The following NEGR1 variants were observed in gnomAD, a reference collection of about 807,000 sequenced individuals.
The protein encoded by NEGR1 is neuronal growth regulator 1.
NEGR1 carries 10 observed loss-of-function variants against 40.9 expected under a neutral mutation model. That is an observed-to-expected ratio of 0.24 (90% CI 0.15 to 0.42). The LOEUF is 0.42. NEGR1 is among the 10% of genes least tolerant of loss of function. The probability of loss-of-function intolerance (pLI) is 1.00; values close to 1 mark genes in which losing one functional copy is unlikely to be tolerated. For missense variants in NEGR1, 352 were observed against 438.9 expected (o/e 0.80, Z 1.77); for synonymous variants, 185 against 166.8 (o/e 1.11, Z -0.84).
At chr1:72,027,116 C>G (rs997842970) in intron 1 of NEGR1, among the ~76,000 whole-genome samples, 10 of 152,070 alleles carry the variant, frequency 6.6e-5, no homozygotes, top group African/African-American at 2.4e-4. Context: ...TTAGTAGAGA[C>G]AGGGTTTCAC....
At chr1:71,428,642 TTATA>T (rs1646445020) in intron 6 of NEGR1, among the ~76,000 whole-genome samples, 1 of 149,184 alleles carries the variant, frequency 6.7e-6, no homozygotes, top group African/African-American at 2.4e-5. Flanking sequence ...ATAAATTTAT[TTATA>T]TAAATTTATT....
chr1:72,020,153 G>A (rs761903056), intron 1 of NEGR1, among the ~76,000 whole-genome samples: 4 of 152,126 alleles, frequency 2.6e-5, no homozygotes, highest in Non-Finnish European at 5.9e-5. Context: ...TTCCAGTATA[G>A]ATCACCTAAA....
At chr1:72,108,108 G>A (rs1378878003) in intron 1 of NEGR1, among the ~76,000 whole-genome samples, 1 of 151,518 alleles carries the variant, frequency 6.6e-6, no homozygotes, top group Admixed American at 6.6e-5. Flanking sequence ...ACATCTTAAT[G>A]GGTAAGTAAA....
chr1:71,955,213 A>C (rs1236782553), intron 1 of NEGR1, among the ~76,000 whole-genome samples: 5 of 152,146 alleles, frequency 3.3e-5, no homozygotes, highest in Non-Finnish European at 5.9e-5. Context: ...GAGTCCAGGA[A>C]ATAAATAATA....
At chr1:71,910,202 G>A (rs753194643) in intron 2 of NEGR1, among the ~76,000 whole-genome samples, 25 of 152,240 alleles carry the variant, frequency 1.6e-4, no homozygotes, top group Middle Eastern at 6.8e-3. Context: ...GCTAGATGTT[G>A]GCGATAAACT....
chr1:72,096,490 TTTC>T (rs1569957135), intron 1 of NEGR1, among the ~76,000 whole-genome samples: 1 of 151,992 alleles, frequency 6.6e-6, no homozygotes, highest in East Asian at 1.9e-4. Context: ...TAATATAAAA[TTTC>T]TTATTAAAAT....
chr1:72,255,387 T>C (rs1655232938), intron 1 of NEGR1, among the ~76,000 whole-genome samples: 1 of 152,110 alleles, frequency 6.6e-6, no homozygotes. Context: ...TGGTATATAG[T>C]AGTTGTTGAA....
intron 1 of NEGR1, among the ~76,000 whole-genome samples, chr1:72,109,020 C>T (rs1649248439): frequency 1.3e-5 from 2 of 151,544 alleles, no homozygotes; most frequent in Admixed American, 1.3e-4. Context: ...CATTATCACA[C>T]AAGGTTATCA....
chr1:72,086,887 T>C (rs984096102), intron 1 of NEGR1, among the ~76,000 whole-genome samples: 6 of 152,186 alleles, frequency 3.9e-5, no homozygotes, highest in Admixed American at 1.3e-4. Flanking sequence ...TAACTTTTAA[T>C]GTAAAGATAG....
At chr1:72,227,137 C>CA (rs1025437433) in intron 1 of NEGR1, among the ~76,000 whole-genome samples, 3 of 152,104 alleles carry the variant, frequency 2.0e-5, no homozygotes, top group Non-Finnish European at 4.4e-5. Flanking sequence ...TTTGAATCCA[C>CA]AAAAAATGAG....
At chr1:71,717,931 C>T (rs140014852) in intron 3 of NEGR1, among the ~76,000 whole-genome samples, 16 of 152,224 alleles carry the variant, frequency 1.1e-4, no homozygotes, top group African/African-American at 2.9e-4. Flanking sequence ...GGAGCACATT[C>T]TTCCCTCATA....
chr1:71,434,843 G>A (rs1049846417), intron 6 of NEGR1, among the ~76,000 whole-genome samples: 1 of 152,212 alleles, frequency 6.6e-6, no homozygotes, highest in Non-Finnish European at 1.5e-5. Flanking sequence ...TGTAATCCCA[G>A]CACTTTGGGA....
intron 2 of NEGR1, among the ~76,000 whole-genome samples, chr1:71,929,361 T>A (rs1645832982): frequency 6.6e-6 from 1 of 152,174 alleles, no homozygotes; most frequent in Non-Finnish European, 1.5e-5. Context: ...TTATTTCATA[T>A]GGTTTATTAT....
Position 71,559,044 on chromosome 1 carries a change from T to TATATATAC in NEGR1, c.940+33772_940+33773insGTATATAT, listed in dbSNP as rs1488767009. Among the ~76,000 whole-genome samples the TATATATAC allele has an allele frequency of 4.6e-3, 287 of 62,194 alleles. 1 individual carries two copies. Among genetic ancestry groups the TATATATAC allele is most frequent in the African/African-American group, 0.014 (273 of 19,198 alleles). The allele number at this position is 62,194 out of a possible 152,430, so 40.8% of individuals were successfully genotyped here. ...GTATATATATATATATATATATATA[T>TATATATAC]ACACATATATATTCATGTGTATGCA... On this transcript the variant is annotated intron_variant, in intron 6 of 6. Transcript: ENST00000357731.
At chr1:71,919,406 C>A (rs981094081) in intron 2 of NEGR1, among the ~76,000 whole-genome samples, 7 of 151,778 alleles carry the variant, frequency 4.6e-5, no homozygotes, top group Admixed American at 6.6e-5. Flanking sequence ...TGTTATACAA[C>A]AACATCTTTT....
intron 3 of NEGR1, among the ~76,000 whole-genome samples, chr1:71,705,271 G>T (rs1199347005): frequency 6.6e-6 from 1 of 152,022 alleles, no homozygotes; most frequent in Non-Finnish European, 1.5e-5. Flanking sequence ...ACTTAAATGT[G>T]AATCATACTA....
At chr1:71,481,919 C>T (rs1646856551) in intron 6 of NEGR1, among the ~76,000 whole-genome samples, 1 of 151,566 alleles carries the variant, frequency 6.6e-6, no homozygotes, top group Non-Finnish European at 1.5e-5. Context: ...CTTTTTTATT[C>T]TCTGAGCTTT....
intron 1 of NEGR1, among the ~76,000 whole-genome samples, chr1:72,144,075 AT>A (rs66541029): frequency 0.99 from 147,055 of 149,196 alleles, 72,478 homozygotes; most frequent in East Asian, 1. Flanking sequence ...GTGAGGTAAG[AT>A]TTTTTTTTTA....
chr1:71,602,539 C>A (rs983647841), intron 5 of NEGR1, among the ~76,000 whole-genome samples: 7 of 152,096 alleles, frequency 4.6e-5, no homozygotes, highest in Non-Finnish European at 7.4e-5. Context: ...GCGTGAGCCA[C>A]CGCGCCCGGC....
Sources: allele counts gnomAD v4.1 joint callset (sites outside exome capture counted in the v4.1 genomes callset), GRCh38; gene constraint gnomAD v4.1.1; transcripts MANE v1.5; gene names NCBI Gene and HGNC (gene_info 2026-07-23, HGNC 2026-07-21).